RNLS: variants seen among roughly 807,000 people sequenced by gnomAD.
The protein encoded by RNLS is renalase.
RNLS carries 39 observed loss-of-function variants against 39.8 expected under a neutral mutation model. That is an observed-to-expected ratio of 0.98 (90% confidence interval 0.76 to 1.28). The LOEUF (loss-of-function observed/expected upper bound fraction) is 1.28, where lower values mean the gene tolerates loss of function less well. RNLS is among the 50% of genes most tolerant of loss of function. The pLI, the probability that RNLS is intolerant of heterozygous loss-of-function variation, is 0.00. For synonymous variants in RNLS, 147 were observed against 150.7 expected, an observed-to-expected ratio of 0.98 and a Z score of 0.18; for missense variants, 410 against 413.3, an observed-to-expected ratio of 0.99 and a Z score of 0.07.
chr10:88,292,094 A>C (rs1018452342), intron 6 of RNLS, among the ~76,000 whole-genome samples: 5 of 152,054 alleles, frequency 3.3e-5, no homozygotes, highest in African/African-American at 1.2e-4. Flanking sequence ...TAGTACAGTT[A>C]ACATTCTTCC....
At chr10:88,404,611 C>T (rs1277109653) in intron 4 of RNLS, among the ~76,000 whole-genome samples, 9 of 151,986 alleles carry the variant, frequency 5.9e-5, no homozygotes, top group Middle Eastern at 3.4e-3. Flanking sequence ...TTAAGTTTGA[C>T]GGGAAAGCTC....
At position 88,419,726 on chromosome 10, in the gene RNLS, T is replaced by TG. The variant is rs1388897324; in HGVS notation, c.527-57002dup. Among the ~76,000 whole-genome samples, 3 of 152,104 alleles carry TG rather than the reference T, an allele frequency of 2.0e-5. No individual in the cohort carries two copies. The East Asian group carries it at 5.8e-4, about 29-fold the overall frequency. On this transcript the variant is annotated intron_variant, in intron 4 of 6. Transcript: ENST00000331772. ...GACACTTAATAAAAAAGGCACTGGC[T>TG]GGGGGCGGTGGCTCACGCCTGTAAT... is the stretch of plus-strand genomic sequence containing the variant.
intron 4 of RNLS, among the ~76,000 whole-genome samples, chr10:88,437,742 T>G (rs1343935504): frequency 3.9e-5 from 6 of 152,150 alleles, no homozygotes; most frequent in African/African-American, 1.4e-4. Context: ...CCCTAGTTCT[T>G]ATGAATGCCC....
At chr10:88,311,210 T>C (rs1845356029) in intron 6 of RNLS, among the ~76,000 whole-genome samples, 2 of 152,180 alleles carry the variant, frequency 1.3e-5, no homozygotes, top group African/African-American at 4.8e-5. Context: ...TGATAGACAC[T>C]GAAACAAAGG....
chr10:88,502,013 T>C, intron 4 of RNLS, among the ~76,000 whole-genome samples: 1 of 152,096 alleles, frequency 6.6e-6, no homozygotes, highest in East Asian at 1.9e-4. Flanking sequence ...TGGAGCATAA[T>C]ATAGGAACAT....
At chr10:88,399,478 A>T (rs1852781699) in intron 4 of RNLS, among the ~76,000 whole-genome samples, 1 of 152,108 alleles carries the variant, frequency 6.6e-6, no homozygotes, top group Admixed American at 6.6e-5. Context: ...GTACTCATTC[A>T]TGCTATAACA....
chr10:88,328,764 T>G (rs1846842266), intron 5 of RNLS, among the ~76,000 whole-genome samples: 1 of 152,026 alleles, frequency 6.6e-6, no homozygotes. Context: ...TTTTATTTCT[T>G]TGGTTCTATC....
intron 5 of RNLS, among the ~76,000 whole-genome samples, chr10:88,362,102 T>C (rs968252528): frequency 4.6e-5 from 7 of 152,172 alleles, no homozygotes; most frequent in African/African-American, 2.4e-5. Flanking sequence ...TAAAATTATA[T>C]TGAAATGAAG....
At chr10:88,491,857 C>T (rs1182546235) in intron 4 of RNLS, among the ~76,000 whole-genome samples, 22 of 151,500 alleles carry the variant, frequency 1.5e-4, no homozygotes, top group Non-Finnish European at 8.8e-5. Context: ...AATAAAGGAC[C>T]ATTAAGATGA....
At chr10:88,329,488 TG>T (rs1039945880) in intron 5 of RNLS, among the ~76,000 whole-genome samples, 1 of 151,528 alleles carries the variant, frequency 6.6e-6, no homozygotes, top group Non-Finnish European at 1.5e-5. Context: ...AGGTTTTTTT[TG>T]GTTTACCTTT....
chr10:88,258,675 A>C, the RNLS span, among the ~76,000 whole-genome samples: 184 of 152,342 alleles, frequency 1.2e-3, no homozygotes, highest in African/African-American at 4.3e-3. Context: ...GAAAAGTAAT[A>C]AGTTGCAGCC....
the RNLS span, among the ~76,000 whole-genome samples, chr10:88,259,836 C>T: frequency 3.9e-5 from 6 of 152,190 alleles, no homozygotes; most frequent in South Asian, 2.1e-4. Flanking sequence ...CTTTACCTCC[C>T]GGGTTCAAGC....
intron 4 of RNLS, among the ~76,000 whole-genome samples, chr10:88,397,935 T>A (rs1852662359): frequency 6.6e-6 from 1 of 151,924 alleles, no homozygotes; most frequent in Non-Finnish European, 1.5e-5. Flanking sequence ...AACCCATATA[T>A]CTATAGTAAA....
intron 3 of RNLS, among the ~76,000 whole-genome samples, chr10:88,577,481 T>C (rs1176122894): frequency 2.0e-5 from 3 of 152,148 alleles, no homozygotes; most frequent in African/African-American, 4.8e-5. Context: ...CATTAACAAA[T>C]AGGGATGATG....
intron 6 of RNLS, among the ~76,000 whole-genome samples, chr10:88,312,839 A>G (rs1028851784): frequency 5.3e-5 from 8 of 152,090 alleles, no homozygotes; most frequent in African/African-American, 1.7e-4. Context: ...GAGATTTCCA[A>G]TATGCCCCCT....
At chr10:88,253,520 T>C in the RNLS span, among the ~76,000 whole-genome samples, 1 of 152,206 alleles carries the variant, frequency 6.6e-6, no homozygotes, top group Non-Finnish European at 1.5e-5. Context: ...AACATTTCTA[T>C]AGGACGTCTG....
In RNLS at chr10:88,285,243, A is replaced by C. The variant is rs1843183267; in HGVS notation, c.*111T>G. 3 of 1,406,126 alleles carry C rather than the reference A, an allele frequency of 2.1e-6. No individual in the cohort carries two copies. The highest frequency in any genetic ancestry group is 3.9e-4 in the Middle Eastern group (2 of 5,148). The allele number at this position is 1,406,126 out of a possible 1,614,324, so 87.1% of individuals were successfully genotyped here. A position where few individuals can be genotyped will look rare whatever the true frequency, so the allele number is the denominator to read the frequency against. ...CCACATGAAAAATGATAATAAGTGA[A>C]GAACAATTTTCCAGTAATTTTTCTT... On this transcript the variant is annotated 3_prime_UTR_variant, in exon 7 of 7. Coordinates refer to ENST00000331772, the MANE Select transcript of RNLS (RefSeq NM_001031709.3).
At chr10:88,327,686 T>C (rs1023589636) in intron 5 of RNLS, among the ~76,000 whole-genome samples, 10 of 152,240 alleles carry the variant, frequency 6.6e-5, no homozygotes, top group Non-Finnish European at 1.3e-4. Flanking sequence ...TCAGTTCTTA[T>C]AAGTGTTTTA....
chr10:88,322,185 A>G (rs775484969), intron 5 of RNLS, among the ~76,000 whole-genome samples: 1 of 152,138 alleles, frequency 6.6e-6, no homozygotes, highest in Non-Finnish European at 1.5e-5. Flanking sequence ...CAAAAACCAT[A>G]TTATTATCTC....
Sources: gnomAD v4.1 joint callset for allele counts (sites outside exome capture counted in the v4.1 genomes callset) on GRCh38, gnomAD v4.1.1 for gene constraint, MANE v1.5 for transcripts, NCBI Gene and HGNC (gene_info 2026-07-23, HGNC 2026-07-21) for gene names.